ANKS1A: variants seen among roughly 807,000 people sequenced by gnomAD.
ANKS1A encodes the protein ankyrin repeat and SAM domain-containing protein 1A.
A neutral mutation model predicts 120.3 loss-of-function variants in ANKS1A; 55 were observed. The observed-to-expected ratio is 0.46, with a 90% CI of 0.37 to 0.57. The LOEUF (loss-of-function observed/expected upper bound fraction) is 0.57. Ranked by LOEUF, ANKS1A falls within the 20% of genes least tolerant of loss-of-function variation. The probability of loss-of-function intolerance (pLI) is 0.00; values close to 1 mark genes in which losing one functional copy is unlikely to be tolerated. For missense variants in ANKS1A, 1,123 were observed against 1,480.3 expected (o/e 0.76, Z 3.96); for synonymous variants, 590 against 604.7 (o/e 0.98, Z 0.36).
intron 1 of ANKS1A, among the ~76,000 whole-genome samples, chr6:34,945,200 C>T (rs1465191288): frequency 2.6e-5 from 4 of 152,018 alleles, no homozygotes; most frequent in Non-Finnish European, 4.4e-5. Flanking sequence ...CTCAGCCTCC[C>T]GAGTAGCTGG....
At chr6:34,892,610 G>A in intron 1 of ANKS1A, among the ~76,000 whole-genome samples, 1 of 152,162 alleles carries the variant, frequency 6.6e-6, no homozygotes. Context: ...AAGGCTTTGT[G>A]TTTATTCTTA....
In ANKS1A at chr6:34,982,848, T is replaced by C. The variant is rs1278887526; in HGVS notation, c.808+21T>C. On this transcript the variant is annotated intron_variant, in intron 5 of 23. Transcript: ENST00000360359. This position sits in a 1 kb window ranked among gnomAD's most constrained non-coding sequence, Gnocchi z 4.9. ...TGCAGGTGAGAGGTCGGCAGCGCTC[T>C]TGTCTACACAGCGTGCCAGGGTTGG... 1 of 1,614,172 alleles carries C rather than the reference T, an allele frequency of 6.2e-7. No homozygotes were observed. Among genetic ancestry groups the C allele is most frequent in the South Asian group, 1.1e-5 (1 of 91,080 alleles).
chr6:34,943,462 G>C (rs1007291854), intron 1 of ANKS1A, among the ~76,000 whole-genome samples: 1 of 152,162 alleles, frequency 6.6e-6, no homozygotes, highest in South Asian at 2.1e-4. Context: ...GGCTCACTCT[G>C]TGTGTTATAT....
At chr6:35,081,466 C>T (rs764970790) in intron 17 of ANKS1A, among the ~76,000 whole-genome samples, 13 of 152,162 alleles carry the variant, frequency 8.5e-5, no homozygotes, top group Non-Finnish European at 1.3e-4. Context: ...TGGCCTCTTG[C>T]GTCCTGCACT....
At chr6:35,083,705 G>A (rs561036975) in intron 20 of ANKS1A, among the ~76,000 whole-genome samples, 1 of 152,060 alleles carries the variant, frequency 6.6e-6, no homozygotes, top group East Asian at 1.9e-4. Context: ...CCCCGTCCCC[G>A]CCCTAGTGAT....
rs1203375205 is a variant in ANKS1A, at chr6:35,084,139, G to A, written c.3013G>A (p.Glu1005Lys). Reference protein sequence around the residue: ...ASNKNVIAEHEIRNISCAAQD... With the variant: ...ASNKNVIAEHKIRNISCAAQD... ...CCAGCAGAACGTCATTGCAGAGCAC[G>A]AGATCCGGAACATTTCCTGTGCGGC... The change falls in exon 21 of 24, where the codon GAG becomes AAG. Residue 1005 changes from glutamate (E) to lysine (K), a missense_variant. This residue lies in a region of ANKS1A where 904 missense variants were observed against 1,130.4 expected (regional missense o/e 0.80). Coordinates refer to ENST00000360359, the MANE Select transcript of ANKS1A (RefSeq NM_015245.3). The surrounding 1 kb of genome is among the most constrained non-coding windows in gnomAD (Gnocchi z 4.8). 3.1e-6 allele frequency: 5 copies of A among 1,614,068 alleles called. No homozygotes were observed. Among genetic ancestry groups the A allele is most frequent in the Admixed American group, 3.3e-5 (2 of 60,010 alleles).
intron 3 of ANKS1A, among the ~76,000 whole-genome samples, chr6:34,976,763 T>A (rs1418295486): frequency 2.6e-5 from 3 of 114,776 alleles, no homozygotes; most frequent in Non-Finnish European, 5.9e-5. Context: ...GCTTTTTCTC[T>A]TTCTGTGTGT....
intron 11 of ANKS1A, among the ~76,000 whole-genome samples, chr6:35,040,414 C>G (rs1403606495): frequency 2.6e-5 from 4 of 152,228 alleles, no homozygotes; most frequent in Non-Finnish European, 5.9e-5. Context: ...GGTGAGAGCC[C>G]AAGGGCCAAG....
chr6:34,890,187 G>C (rs1766736411), intron 1 of ANKS1A, among the ~76,000 whole-genome samples: 1 of 151,996 alleles, frequency 6.6e-6, no homozygotes, highest in Non-Finnish European at 1.5e-5. Context: ...CGCCTCCCGG[G>C]TTCAAGCGAT....
chr6:34,935,320 C>CA (rs1305303533), intron 1 of ANKS1A, among the ~76,000 whole-genome samples: 1 of 152,222 alleles, frequency 6.6e-6, no homozygotes, highest in African/African-American at 2.4e-5. Context: ...CTCCTGGGCT[C>CA]AAGCATTCCT....
At position 35,082,189 on chromosome 6, in the gene ANKS1A, C is replaced by T. The variant is rs1425262874; in HGVS notation, c.2710-502C>T. On this transcript the variant is annotated intron_variant, in intron 17 of 23. Transcript: ENST00000360359. This position sits in a 1 kb window ranked among gnomAD's most constrained non-coding sequence, Gnocchi z 4.1. ...TCACCTGGACCGCAGTGGCCTCCCC[C>T]ACCCCCTAGCTGCTGCCAGAAGGAT... Among the ~76,000 whole-genome samples, 1 of 152,098 alleles carries T rather than the reference C, an allele frequency of 6.6e-6. No homozygotes were observed. The highest frequency in any genetic ancestry group is 2.4e-5 in the African/African-American group (1 of 41,414).
chr6:34,982,726 G>C lies in ANKS1A; in HGVS notation c.733-26G>C, dbSNP rs377226001. Reference sequence around the variant, plus strand: ...CACCAAACTGTTCTGATGACATCCCGCTCTGCGCTCTCGTTTGCTTTCCAG... The same window carrying C: ...CACCAAACTGTTCTGATGACATCCCCCTCTGCGCTCTCGTTTGCTTTCCAG... On this transcript the variant is annotated intron_variant, in intron 4 of 23. Transcript: ENST00000360359. This position sits in a 1 kb window ranked among gnomAD's most constrained non-coding sequence, Gnocchi z 4.9. 1.8e-5 allele frequency: 29 copies of C among 1,613,688 alleles called. No individual in the cohort carries two copies. Among genetic ancestry groups the C allele is most frequent in the Admixed American group, 3.3e-5 (2 of 60,010 alleles).
chr6:34,927,580 G>C (rs1054074383), intron 1 of ANKS1A, among the ~76,000 whole-genome samples: 1 of 152,132 alleles, frequency 6.6e-6, no homozygotes, highest in African/African-American at 2.4e-5. Flanking sequence ...AGGAGCTGTG[G>C]CACGGGTCGG....
In ANKS1A at chr6:35,084,483, A is replaced by C. The variant is rs1777858809; in HGVS notation, c.3132+225A>C. ...ACTGGCCCAGGGCACTAGGGACAGG[A>C]GGTTCCAGCTTTTTTTTTTTTTTTT... is the stretch of plus-strand genomic sequence containing the variant. On this transcript the variant is annotated intron_variant, in intron 21 of 23. Transcript: ENST00000360359. The surrounding 1 kb of genome is among the most constrained non-coding windows in gnomAD (Gnocchi z 4.8). 7.3e-6 allele frequency among the ~76,000 whole-genome samples: 1 copy of C among 136,254 alleles called. No individual in the cohort carries two copies. The highest frequency in any genetic ancestry group is 2.7e-5 in the African/African-American group (1 of 36,666). 89.4% of individuals were successfully genotyped at this position (136,254 alleles called of 152,430 possible). A position where few individuals can be genotyped will look rare whatever the true frequency, so the allele number is the denominator to read the frequency against.
chr6:34,985,335 G>C, intron 8 of ANKS1A, 57 bp downstream of exon 8: 2 of 1,543,514 alleles, frequency 1.3e-6, no homozygotes, highest in Non-Finnish European at 1.8e-6. Context: ...TGGCCCCTGA[G>C]GTGATGGGGC....
chr6:35,027,384 C>T (rs1774684063), intron 11 of ANKS1A, among the ~76,000 whole-genome samples: 1 of 152,132 alleles, frequency 6.6e-6, no homozygotes, highest in African/African-American at 2.4e-5. Context: ...TGCTGGTGGC[C>T]TCAGACATTC....
At chr6:35,004,096 C>A (rs1034174514) in intron 10 of ANKS1A, among the ~76,000 whole-genome samples, 1 of 152,196 alleles carries the variant, frequency 6.6e-6, no homozygotes, top group African/African-American at 2.4e-5. Flanking sequence ...GTGCATGCAG[C>A]CCCTGTCACG....
chr6:35,022,582 G>A (rs1232524143), intron 11 of ANKS1A, among the ~76,000 whole-genome samples: 1 of 152,212 alleles, frequency 6.6e-6, no homozygotes, highest in African/African-American at 2.4e-5. Flanking sequence ...GAGGAGATCT[G>A]AATCCAAACT....
In ANKS1A at chr6:35,086,168, C is replaced by T; in HGVS notation, c.3303+232C>T. ...CTGTTTCCCTCCCTCGCTGGGCTCCCCCAAGGGCAAGGCCGTCAAGGGGCT... is the reference window on the plus strand; with the variant it reads ...CTGTTTCCCTCCCTCGCTGGGCTCCTCCAAGGGCAAGGCCGTCAAGGGGCT... On this transcript the variant is annotated intron_variant, in intron 22 of 23. Coordinates refer to ENST00000360359, the MANE Select transcript of ANKS1A (RefSeq NM_015245.3). The surrounding 1 kb of genome is among the most constrained non-coding windows in gnomAD (Gnocchi z 5.1). 8.0e-7 allele frequency: 1 copy of T among 1,248,408 alleles called. No homozygotes were observed. Among genetic ancestry groups the T allele is most frequent in the Non-Finnish European group, 1.1e-6 (1 of 913,116 alleles). The allele number at this position is 1,248,408 out of a possible 1,614,324, so 77.3% of individuals were successfully genotyped here. A position where few individuals can be genotyped will look rare whatever the true frequency, so the allele number is the denominator to read the frequency against.
Sources: allele counts gnomAD v4.1 joint callset (sites outside exome capture counted in the v4.1 genomes callset), GRCh38; gene constraint gnomAD v4.1.1; regional missense constraint gnomAD v4.1.1; non-coding constraint Gnocchi (gnomAD v3.1); transcripts MANE v1.5; gene names NCBI Gene and HGNC (gene_info 2026-07-23, HGNC 2026-07-21).